Variants in ARMC3 observed in about 807,000 individuals in gnomAD.
ARMC3 encodes armadillo repeat containing 3.
ARMC3 carries 74 observed loss-of-function variants against 90.3 expected under a neutral mutation model. The ratio of observed to expected loss-of-function variants is 0.82; its 90% confidence interval spans 0.68 to 0.99. The LOEUF is 0.99. Among genes scored for constraint, ARMC3 ranks in the 50% least tolerant of loss-of-function variants. ARMC3 has a pLI of 0.00. For missense variants in ARMC3, 958 were observed against 1,042.8 expected (o/e 0.92, Z 1.12); for synonymous variants, 334 against 361.8 (o/e 0.92, Z 0.87).
intron 10 of ARMC3, among the ~76,000 whole-genome samples, chr10:22,990,202 T>C (rs911913779): frequency 6.6e-6 from 1 of 152,000 alleles, no homozygotes; most frequent in South Asian, 2.1e-4. Flanking sequence ...TACTTAAACC[T>C]ATATAAGGTT....
At chr10:23,010,290 C>T (rs1028601306) in intron 16 of ARMC3, among the ~76,000 whole-genome samples, 1 of 144,574 alleles carries the variant, frequency 6.9e-6, no homozygotes, top group African/African-American at 2.6e-5. Context: ...CTCTCTTTCC[C>T]CTTCCCTTCC....
intron 16 of ARMC3, among the ~76,000 whole-genome samples, chr10:23,013,280 A>G (rs1410474759): frequency 1.3e-5 from 2 of 152,130 alleles, no homozygotes; most frequent in African/African-American, 2.4e-5. Flanking sequence ...GCTGAAGCCC[A>G]TACTCCAAGC....
intron 2 of ARMC3, among the ~76,000 whole-genome samples, chr10:22,943,893 C>T (rs1203918381): frequency 1.3e-5 from 2 of 150,198 alleles, no homozygotes; most frequent in Non-Finnish European, 3.0e-5. Flanking sequence ...AAGATCGCGC[C>T]ATTGCACTCC....
chr10:23,017,433 A>G (rs1250795785), intron 16 of ARMC3, among the ~76,000 whole-genome samples: 1 of 152,164 alleles, frequency 6.6e-6, no homozygotes, highest in East Asian at 1.9e-4. Flanking sequence ...CCCCTAATTT[A>G]CTGCTAGTGT....
Position 22,946,210 on chromosome 10 carries a change from G to A in ARMC3, c.115G>A (p.Glu39Lys). The A allele has an allele frequency of 6.2e-7, 1 of 1,613,126 alleles. No homozygotes were observed. Residue 39 changes from glutamate (E) to lysine (K), a missense_variant, in exon 3 of 19, where the codon GAG becomes AAG. By Grantham distance (56) the Glu-to-Lys change is moderately conservative. Coordinates refer to ENST00000298032, the MANE Select transcript of ARMC3 (RefSeq NM_173081.5). ...TVVLMLNSPE[E>K]EILAKACEAI... ...GGTGTTAATGCTTAATTCTCCAGAAGAGGAAATTTTGGCTAAAGCATGTGA... is the reference window on the plus strand; with the variant it reads ...GGTGTTAATGCTTAATTCTCCAGAAAAGGAAATTTTGGCTAAAGCATGTGA...
intron 2 of ARMC3, among the ~76,000 whole-genome samples, chr10:22,934,406 T>A (rs1256145456): frequency 6.6e-6 from 1 of 152,262 alleles, no homozygotes; most frequent in Non-Finnish European, 1.5e-5. Context: ...AGACACGGCT[T>A]GATCTACCAA....
intron 8 of ARMC3, 126 bp downstream of exon 8, chr10:22,968,615 C>T (rs1254395159): frequency 1.3e-6 from 1 of 799,080 alleles, no homozygotes; most frequent in East Asian, 3.0e-5. Context: ...GATTCTCCCA[C>T]CTCAGCCTTC....
chr10:23,024,740 A>G (rs1335466249), intron 16 of ARMC3, among the ~76,000 whole-genome samples: 1 of 152,198 alleles, frequency 6.6e-6, no homozygotes, highest in Non-Finnish European at 1.5e-5. Flanking sequence ...ACAATGTTCA[A>G]GTAACACACA....
At chr10:22,992,381 T>G (rs1836749535) in intron 10 of ARMC3, among the ~76,000 whole-genome samples, 1 of 152,166 alleles carries the variant, frequency 6.6e-6, no homozygotes, top group South Asian at 2.1e-4. Context: ...GGTGCATCAA[T>G]ATGATGTAAT....
In ARMC3 at chr10:23,037,575, AC is replaced by A; in HGVS notation, c.*97del. On this transcript the variant is annotated 3_prime_UTR_variant, in exon 19 of 19. Coordinates refer to ENST00000298032, the MANE Select transcript of ARMC3 (RefSeq NM_173081.5). ...ATTGATTTTATCTCTTTAAATAAAA[AC>A]TTTAAATAAAAGTATTAGAAATGTT... 9.2e-7 allele frequency: 1 copy of A among 1,090,474 alleles called. No individual in the cohort carries two copies. Among genetic ancestry groups the A allele is most frequent in the Non-Finnish European group, 1.2e-6 (1 of 803,066 alleles). 67.5% of individuals were successfully genotyped at this position (1,090,474 alleles called of 1,614,324 possible). A position where few individuals can be genotyped will look rare whatever the true frequency, so the allele number is the denominator to read the frequency against.
At chr10:22,958,823 G>A (rs926899909) in intron 4 of ARMC3, among the ~76,000 whole-genome samples, 10 of 152,130 alleles carry the variant, frequency 6.6e-5, no homozygotes, top group African/African-American at 2.4e-4. Flanking sequence ...CCAGGTTCAA[G>A]CGATTCTCCT....
chr10:23,007,714 AAAAG>A lies in ARMC3; in HGVS notation c.1830-560_1830-557del, dbSNP rs1226083375. Among the ~76,000 whole-genome samples, 527 of 60,842 alleles carry A rather than the reference AAAAG, an allele frequency of 8.7e-3. 9 individuals carry two copies. The highest frequency in any genetic ancestry group is 0.02 in the Non-Finnish European group (363 of 17,874). The allele number at this position is 60,842 out of a possible 152,430, so 39.9% of individuals were successfully genotyped here. A position where few individuals can be genotyped will look rare whatever the true frequency, so the allele number is the denominator to read the frequency against. On this transcript the variant is annotated intron_variant, in intron 14 of 18. Transcript: ENST00000298032. ...ACTCCGTCTCAAAAAAAAAAAAAAA[AAAAG>A]AGAGAGAGCGAGAGATCGTGTATAT...
chr10:22,931,352 A>C (rs1377876480), intron 1 of ARMC3, among the ~76,000 whole-genome samples: 1 of 152,224 alleles, frequency 6.6e-6, no homozygotes, highest in African/African-American at 2.4e-5. Flanking sequence ...AAGTAACCTC[A>C]GTTTCCCCAG....
chr10:23,015,320 C>T (rs1191389194), intron 16 of ARMC3, among the ~76,000 whole-genome samples: 2 of 152,288 alleles, frequency 1.3e-5, no homozygotes, highest in Middle Eastern at 3.4e-3. Flanking sequence ...GTGATTAATT[C>T]GTTCCCTGGT....
chr10:23,002,518 G>C (rs1334096615), intron 12 of ARMC3, among the ~76,000 whole-genome samples: 2 of 151,606 alleles, frequency 1.3e-5, no homozygotes, highest in African/African-American at 4.8e-5. Flanking sequence ...TAACACATCA[G>C]CTAATAGGGT....
At chr10:23,032,339 C>G (rs914384457) in intron 17 of ARMC3, among the ~76,000 whole-genome samples, 1 of 151,972 alleles carries the variant, frequency 6.6e-6, no homozygotes, top group Non-Finnish European at 1.5e-5. Flanking sequence ...CACACCATGT[C>G]TTTCTCTAAA....
intron 2 of ARMC3, among the ~76,000 whole-genome samples, chr10:22,942,852 A>G (rs543275396): frequency 1.3e-5 from 2 of 152,356 alleles, no homozygotes; most frequent in South Asian, 4.1e-4. Context: ...ATATTTATAT[A>G]CTGGAATACA....
Position 22,968,407 on chromosome 10 carries a change from G to A in ARMC3, c.834G>A (p.Lys278=), listed in dbSNP as rs910650696. The A allele has an allele frequency of 1.1e-5, 17 of 1,613,034 alleles. No homozygotes were observed. The highest frequency in any genetic ancestry group is 1.6e-4 in the Middle Eastern group (1 of 6,066). ...VQIQQTGGLK[K]LLSFAENSTI... ...TTCAGCAGACAGGGGGTCTTAAAAA[G>A]CTCCTGTCATTTGCAGAAAACTCTA... The change falls in exon 8 of 19, where the codon AAG becomes AAA. Residue 278 remains lysine, a synonymous_variant. Transcript: ENST00000298032.
At chr10:23,009,867 T>C (rs7917324) in intron 16 of ARMC3, among the ~76,000 whole-genome samples, 125,269 of 152,102 alleles carry the variant, frequency 0.82, 52,611 homozygotes, top group Non-Finnish European at 0.92. Flanking sequence ...AAAAACTGTA[T>C]TGAGTTATGG....
Sources: allele counts gnomAD v4.1 joint callset (sites outside exome capture counted in the v4.1 genomes callset), GRCh38; gene constraint gnomAD v4.1.1; transcripts MANE v1.5; gene names NCBI Gene and HGNC (gene_info 2026-07-23, HGNC 2026-07-21).